The following MVB12B variants were observed in gnomAD, a reference collection of about 807,000 sequenced individuals.
The protein encoded by MVB12B is ESCRT-I complex subunit MVB12B.
Under a neutral mutation model 41.6 loss-of-function variants are expected in MVB12B, and 16 were observed. The observed-to-expected ratio is 0.38, with a 90% CI of 0.26 to 0.58. The LOEUF (loss-of-function observed/expected upper bound fraction) is 0.58, where lower values mean the gene tolerates loss of function less well. Among genes scored for constraint, MVB12B ranks in the 20% least tolerant of loss-of-function variants. The probability of loss-of-function intolerance (pLI) is 0.62; values close to 1 mark genes in which losing one functional copy is unlikely to be tolerated. For missense variants in MVB12B, 274 were observed against 380.2 expected (o/e 0.72, Z 2.32); for synonymous variants, 133 against 139.7 (o/e 0.95, Z 0.34).
At chr9:126,375,740 C>G (rs755955847) in intron 2 of MVB12B, among the ~76,000 whole-genome samples, 48 of 152,212 alleles carry the variant, frequency 3.2e-4, no homozygotes, top group Non-Finnish European at 5.9e-4. Context: ...CTTTATTCTA[C>G]CCTCACACTT....
intron 4 of MVB12B, among the ~76,000 whole-genome samples, chr9:126,387,217 C>A (rs1459512427): frequency 6.6e-6 from 1 of 152,128 alleles, no homozygotes; most frequent in Non-Finnish European, 1.5e-5. Flanking sequence ...GGTGTTGGAG[C>A]CCTTGGAGCT....
intron 7 of MVB12B, among the ~76,000 whole-genome samples, chr9:126,438,690 C>T (rs1832555391): frequency 6.6e-6 from 1 of 152,192 alleles, no homozygotes; most frequent in South Asian, 2.1e-4. Flanking sequence ...TTTGGGAGGA[C>T]CTCTTCCCAG....
chr9:126,447,088 G>A (rs1265661061), intron 7 of MVB12B, among the ~76,000 whole-genome samples: 4 of 151,188 alleles, frequency 2.6e-5, no homozygotes, highest in Admixed American at 6.6e-5. Flanking sequence ...AGGACTACAG[G>A]TGCGCACCAC....
chr9:126,505,674 G>C lies in MVB12B; in HGVS notation c.*2411G>C, dbSNP rs777173455. 1.6e-5 allele frequency: 2 copies of C among 124,770 alleles called. No homozygotes were observed. The highest frequency in any genetic ancestry group is 3.8e-5 in the Non-Finnish European group (2 of 52,858). 7.7% of individuals were successfully genotyped at this position (124,770 alleles called of 1,614,324 possible). On this transcript the variant is annotated 3_prime_UTR_variant, in exon 10 of 10. Coordinates refer to ENST00000361171, the MANE Select transcript of MVB12B (RefSeq NM_033446.3). ...TGTGCCTGTGTGTGTGTGTGTGTGT[G>C]TGTGTATATGTGTGTGTGTGCACGC...
intron 7 of MVB12B, among the ~76,000 whole-genome samples, chr9:126,457,525 A>G (rs575212636): frequency 1.3e-5 from 2 of 152,158 alleles, no homozygotes; most frequent in African/African-American, 4.8e-5. Context: ...TTTTTAAATT[A>G]TTTTATTATA....
At chr9:126,437,219 T>G (rs931754229) in intron 7 of MVB12B, among the ~76,000 whole-genome samples, 3 of 152,230 alleles carry the variant, frequency 2.0e-5, no homozygotes, top group African/African-American at 7.2e-5. Flanking sequence ...AGTTTAATTT[T>G]TTTTAATAGG....
chr9:126,351,110 G>C (rs1829734848), intron 2 of MVB12B, among the ~76,000 whole-genome samples: 1 of 152,216 alleles, frequency 6.6e-6, no homozygotes, highest in Non-Finnish European at 1.5e-5. Context: ...TGTTTTGGTA[G>C]ATTTGAGCCT....
chr9:126,376,689 C>T lies in MVB12B; in HGVS notation c.205-4375C>T. 5 of 1,275,168 alleles carry T rather than the reference C, an allele frequency of 3.9e-6. No homozygotes were observed. Among genetic ancestry groups the T allele is most frequent in the Non-Finnish European group, 5.1e-6 (5 of 978,834 alleles). The allele number at this position is 1,275,168 out of a possible 1,614,324, so 79.0% of individuals were successfully genotyped here. A position where few individuals can be genotyped will look rare whatever the true frequency, so the allele number is the denominator to read the frequency against. ...CATTCAGTGTGTACGCTTGGTTACT[C>T]AATTACCCTCGTTTCCACTCTGAAG... is the stretch of plus-strand genomic sequence containing the variant. On this transcript the variant is annotated intron_variant, in intron 2 of 9. Coordinates refer to ENST00000361171, the MANE Select transcript of MVB12B (RefSeq NM_033446.3). The surrounding 1 kb of genome is among the most constrained non-coding windows in gnomAD (Gnocchi z 4.1).
At chr9:126,401,718 C>G (rs1361694749) in intron 6 of MVB12B, among the ~76,000 whole-genome samples, 1 of 152,252 alleles carries the variant, frequency 6.6e-6, no homozygotes, top group African/African-American at 2.4e-5. Context: ...ACATCATTGT[C>G]AGAAGCCCAT....
chr9:126,474,116 G>T (rs1339282952), intron 7 of MVB12B, among the ~76,000 whole-genome samples: 2 of 152,174 alleles, frequency 1.3e-5, no homozygotes, highest in African/African-American at 4.8e-5. Context: ...TGGTCAGGCA[G>T]CGTGGGGGGA....
chr9:126,411,123 G>A (rs1164053407), intron 6 of MVB12B, among the ~76,000 whole-genome samples: 2 of 152,146 alleles, frequency 1.3e-5, no homozygotes, highest in East Asian at 1.9e-4. Context: ...TCCTGACCTC[G>A]TGATCCACCC....
chr9:126,448,572 A>G (rs541617292), intron 7 of MVB12B, among the ~76,000 whole-genome samples: 1 of 152,204 alleles, frequency 6.6e-6, no homozygotes, highest in Admixed American at 6.5e-5. Context: ...GGTTCTGCAG[A>G]CTATATAGGA....
intron 7 of MVB12B, among the ~76,000 whole-genome samples, chr9:126,422,312 A>C (rs1363548704): frequency 1.3e-5 from 2 of 152,106 alleles, no homozygotes; most frequent in Non-Finnish European, 2.9e-5. Flanking sequence ...TCACCCTCCC[A>C]TATCCAAGTC....
At chr9:126,353,814 T>G (rs1442785241) in intron 2 of MVB12B, among the ~76,000 whole-genome samples, 1 of 152,240 alleles carries the variant, frequency 6.6e-6, no homozygotes, top group Non-Finnish European at 1.5e-5. Flanking sequence ...CTTTTTGGTC[T>G]GTGAAAAGCA....
At chr9:126,472,547 C>A (rs185059530) in intron 7 of MVB12B, among the ~76,000 whole-genome samples, 34 of 151,296 alleles carry the variant, frequency 2.2e-4, no homozygotes, top group Non-Finnish European at 4.4e-4. Flanking sequence ...CAGATTAGAG[C>A]TTTATTTGTT....
intron 8 of MVB12B, among the ~76,000 whole-genome samples, chr9:126,483,055 C>A (rs10760438): frequency 0.4 from 60,479 of 152,112 alleles, 12,922 homozygotes; most frequent in East Asian, 0.71. Flanking sequence ...CTCCAGCTCC[C>A]CTCCCATCCC....
chr9:126,333,729 G>T lies in MVB12B; in HGVS notation c.81+6719G>T. On this transcript the variant is annotated intron_variant, in intron 1 of 9. Coordinates refer to ENST00000361171, the MANE Select transcript of MVB12B (RefSeq NM_033446.3). This position sits in a 1 kb window ranked among gnomAD's most constrained non-coding sequence, Gnocchi z 4.7. ...GACCCTGGTTTTAAATGGTGGGGTGGGTATCTGCAGGGGAGGAACCTGGTG... is the reference window on the plus strand; with the variant it reads ...GACCCTGGTTTTAAATGGTGGGGTGTGTATCTGCAGGGGAGGAACCTGGTG... Among the ~76,000 whole-genome samples the T allele has an allele frequency of 6.6e-6, 1 of 152,102 alleles. No individual in the cohort carries two copies. The highest frequency in any genetic ancestry group is 1.9e-4 in the East Asian group (1 of 5,182).
chr9:126,486,905 G>A lies in MVB12B; in HGVS notation c.873+2873G>A, dbSNP rs551358261. Among the ~76,000 whole-genome samples the A allele has an allele frequency of 3.3e-5, 5 of 152,260 alleles. No individual in the cohort carries two copies. Among genetic ancestry groups the A allele is most frequent in the East Asian group, 1.9e-4 (1 of 5,174 alleles). On this transcript the variant is annotated intron_variant, in intron 9 of 9. Transcript: ENST00000361171. This position sits in a 1 kb window ranked among gnomAD's most constrained non-coding sequence, Gnocchi z 4.7. Reference sequence around the variant, plus strand: ...AGTTCCTTAACCTGGGTGGGCCTTCGAGTTGCTGGGGTGGGGTGAAGTGGG... The same window carrying A: ...AGTTCCTTAACCTGGGTGGGCCTTCAAGTTGCTGGGGTGGGGTGAAGTGGG...
intron 3 of MVB12B, among the ~76,000 whole-genome samples, chr9:126,383,056 A>G (rs1208609802): frequency 1.3e-5 from 2 of 152,202 alleles, no homozygotes; most frequent in African/African-American, 2.4e-5. Flanking sequence ...AATGGATCCA[A>G]TAGTGCGATC....
Sources: gnomAD v4.1 joint callset for allele counts (sites outside exome capture counted in the v4.1 genomes callset) on GRCh38, gnomAD v4.1.1 for gene constraint, Gnocchi (gnomAD v3.1) non-coding constraint, MANE v1.5 for transcripts, NCBI Gene and HGNC (gene_info 2026-07-23, HGNC 2026-07-21) for gene names.